The following ANO10 variants were observed in gnomAD, a reference collection of about 807,000 sequenced individuals.
ANO10 encodes anoctamin-10.
A neutral mutation model predicts 74.7 loss-of-function variants in ANO10; 77 were observed. The ratio of observed to expected loss-of-function variants is 1.03; its 90% CI spans 0.86 to 1.25. The LOEUF (loss-of-function observed/expected upper bound fraction) is 1.25. Ranked by LOEUF, ANO10 falls within the 50% of genes most tolerant of loss-of-function variation. ANO10 has a pLI of 0.00. For missense variants in ANO10, 721 were observed against 778.1 expected (o/e 0.93, Z 0.87); for synonymous variants, 279 against 284.9 (o/e 0.98, Z 0.21).
chr3:43,420,139 A>G (rs1177471287), intron 12 of ANO10, among the ~76,000 whole-genome samples: 1 of 152,208 alleles, frequency 6.6e-6, no homozygotes, highest in Non-Finnish European at 1.5e-5. Flanking sequence ...GAGATCCTAT[A>G]GCATTGGAAA....
At position 43,485,218 on chromosome 3, in the gene ANO10, T is replaced by G. The variant is rs989482627; in HGVS notation, c.1798-52491A>C. On this transcript the variant is annotated intron_variant, in intron 11 of 12. Coordinates refer to ENST00000292246, the MANE Select transcript of ANO10 (RefSeq NM_018075.5). ...AGGTACCGGTATTGCCGGTACATGTTGTAGGTGCAGCTCCGGGAGTCATAG... is the reference window on the plus strand; with the variant it reads ...AGGTACCGGTATTGCCGGTACATGTGGTAGGTGCAGCTCCGGGAGTCATAG... The G allele has an allele frequency of 5.9e-6, 4 of 676,056 alleles. 1 individual carries two copies. Among genetic ancestry groups the G allele is most frequent in the South Asian group, 4.9e-5 (3 of 61,602 alleles). 41.9% of individuals were successfully genotyped at this position (676,056 alleles called of 1,614,324 possible).
chr3:43,406,372 C>A (rs759250435), intron 12 of ANO10, among the ~76,000 whole-genome samples: 2 of 152,186 alleles, frequency 1.3e-5, no homozygotes, highest in Non-Finnish European at 2.9e-5. Context: ...TACAAAACAT[C>A]GAGCTATAAA....
At position 43,392,191 on chromosome 3, in the gene ANO10, A is replaced by C. The variant is rs141934555; in HGVS notation, c.1915-25217T>G. On this transcript the variant is annotated intron_variant, in intron 12 of 12. Coordinates refer to ENST00000292246, the MANE Select transcript of ANO10 (RefSeq NM_018075.5). Reference sequence around the variant, plus strand: ...TAAAAAAAAATTTTATTGTTAAAATACAAGTACATAGTTTTTAAAAAGTCA... The same window carrying C: ...TAAAAAAAAATTTTATTGTTAAAATCCAAGTACATAGTTTTTAAAAAGTCA... Among the ~76,000 whole-genome samples, 442 of 152,322 alleles carry C rather than the reference A, an allele frequency of 2.9e-3. 1 individual carries two copies. The highest frequency in any genetic ancestry group is 0.01 in the African/African-American group (426 of 41,576).
chr3:43,659,584 G>C (rs1281046800), intron 1 of ANO10, among the ~76,000 whole-genome samples: 1 of 152,206 alleles, frequency 6.6e-6, no homozygotes, highest in Non-Finnish European at 1.5e-5. Context: ...AGCTGGAACT[G>C]GGCGGGGCCC....
At position 43,574,877 on chromosome 3, in the gene ANO10, AACAC is replaced by A; in HGVS notation, c.1163-17_1163-14del. The A allele has an allele frequency of 6.2e-7, 1 of 1,611,802 alleles. No individual in the cohort carries two copies. The highest frequency in any genetic ancestry group is 1.1e-5 in the South Asian group (1 of 91,040). ...AATCTGTGATTCTCTAAAACATTAA[AACAC>A]ACAGGTAACTTCTCAGTAAGAAAAC... is the stretch of plus-strand genomic sequence containing the variant. On this transcript the variant is annotated splice_polypyrimidine_tract_variant and intron_variant, in intron 6 of 12. Coordinates refer to ENST00000292246, the MANE Select transcript of ANO10 (RefSeq NM_018075.5).
intron 10 of ANO10, among the ~76,000 whole-genome samples, chr3:43,552,458 T>C (rs954155175): frequency 3.3e-5 from 5 of 151,986 alleles, no homozygotes; most frequent in African/African-American, 1.2e-4. Flanking sequence ...GCTTCAACCA[T>C]CAAACATAAC....
upstream of ANO10, among the ~76,000 whole-genome samples, chr3:43,626,506 G>A (rs1575569260): frequency 6.6e-6 from 1 of 151,346 alleles, no homozygotes; most frequent in Non-Finnish European, 1.5e-5. Context: ...TCACCATGTT[G>A]GCCAGGCTGC....
At chr3:43,690,942 G>A (rs1399819007) in intron 1 of ANO10, 1 of 1,539,674 alleles carries the variant, frequency 6.5e-7, no homozygotes, top group Non-Finnish European at 8.7e-7. Context: ...CGGCCCAGTC[G>A]GCCTGTCAGC....
At chr3:43,581,032 T>TTTA (rs2081241755) in intron 4 of ANO10, among the ~76,000 whole-genome samples, 1 of 152,168 alleles carries the variant, frequency 6.6e-6, no homozygotes, top group Non-Finnish European at 1.5e-5. Flanking sequence ...AATGCTAAAA[T>TTTA]TTGTACAAAT....
chr3:43,547,374 G>A (rs909576743), intron 11 of ANO10, among the ~76,000 whole-genome samples: 5 of 152,208 alleles, frequency 3.3e-5, no homozygotes, highest in African/African-American at 9.6e-5. Flanking sequence ...ATTATAGATG[G>A]CTTAAAACAG....
rs138166449 is a variant in ANO10, at chr3:43,552,657, G to C, written c.1668+2621C>G. On this transcript the variant is annotated intron_variant, in intron 10 of 12. Transcript: ENST00000292246. ...TCTTAGTTCGCCTGCATCTGAAAGT[G>C]TCTTGCTTTTTCCTTCATTTCTGAA... 2.4e-3 allele frequency among the ~76,000 whole-genome samples: 350 copies of C among 148,644 alleles called. 3 individuals carry two copies. Among genetic ancestry groups the C allele is most frequent in the African/African-American group, 8.3e-3 (337 of 40,576 alleles).
chr3:43,453,340 C>T (rs1481562507), intron 11 of ANO10, among the ~76,000 whole-genome samples: 4 of 152,018 alleles, frequency 2.6e-5, no homozygotes, highest in African/African-American at 4.8e-5. Context: ...CCACTGTGCC[C>T]GGCTAATTTT....
chr3:43,556,260 C>A (rs984110534), intron 9 of ANO10, among the ~76,000 whole-genome samples: 1 of 152,130 alleles, frequency 6.6e-6, no homozygotes, highest in East Asian at 1.9e-4. Context: ...AATCCTGATA[C>A]CCTATGCTCA....
rs771524070 is a variant in ANO10, at chr3:43,574,840, T to G, written c.1187A>C (p.Tyr396Ser). The change falls in exon 7 of 13, where the codon TAT (tyrosine) becomes TCT (serine). Residue 396 changes from tyrosine (Y) to serine (S), a missense_variant. Coordinates refer to ENST00000292246, the MANE Select transcript of ANO10 (RefSeq NM_018075.5). ...AACTTTCAGAATTAGATGGTTCTGA[T>G]AGGCAGATTCCAATCTGTGATTCTC... The part of the protein sequence containing the change: ...SWENHRLESA[Y>S]QNHLILKVLV... 1.2e-6 allele frequency: 2 copies of G among 1,614,116 alleles called. No homozygotes were observed.
rs144206302 is a variant in ANO10, at chr3:43,462,851, G to A, written c.1798-30124C>T. Among the ~76,000 whole-genome samples the A allele has an allele frequency of 3.9e-3, 590 of 152,306 alleles. 1 individual carries two copies. The highest frequency in any genetic ancestry group is 6.0e-3 in the Non-Finnish European group (410 of 68,024). ...GCCCTGTGTCCCAGCCACTCCAGCC[G>A]TGGCTGAAAGGGGCCAATGTAGAGC... On this transcript the variant is annotated intron_variant, in intron 11 of 12. Coordinates refer to ENST00000292246, the MANE Select transcript of ANO10 (RefSeq NM_018075.5).
intron 1 of ANO10, among the ~76,000 whole-genome samples, chr3:43,678,887 C>T (rs1196950584): frequency 6.6e-6 from 1 of 152,146 alleles, no homozygotes; most frequent in Non-Finnish European, 1.5e-5. Context: ...TTAAGCTATT[C>T]AGATTTTCTA....
chr3:43,585,400 A>G (rs370677092), intron 4 of ANO10, among the ~76,000 whole-genome samples: 13 of 152,344 alleles, frequency 8.5e-5, no homozygotes, highest in African/African-American at 2.6e-4. Context: ...TCATCCTGCC[A>G]GCAAGAAAGT....
chr3:43,532,251 C>T (rs1452531092), intron 11 of ANO10, among the ~76,000 whole-genome samples: 1 of 152,220 alleles, frequency 6.6e-6, no homozygotes, highest in Non-Finnish European at 1.5e-5. Flanking sequence ...AATGCTATGC[C>T]TTCGCTTAAA....
At chr3:43,566,740 C>A (rs1017600419) in intron 7 of ANO10, among the ~76,000 whole-genome samples, 3 of 152,182 alleles carry the variant, frequency 2.0e-5, no homozygotes, top group Non-Finnish European at 4.4e-5. Flanking sequence ...TGGGGAAAAA[C>A]CTGAACAGAA....
Sources: gnomAD v4.1 joint callset for allele counts (sites outside exome capture counted in the v4.1 genomes callset) on GRCh38, gnomAD v4.1.1 for gene constraint, MANE v1.5 for transcripts, NCBI Gene and HGNC (gene_info 2026-07-23, HGNC 2026-07-21) for gene names.